Variants in EVPLL observed in about 807,000 individuals in gnomAD.
EVPLL encodes envoplakin like.
EVPLL carries 39 observed loss-of-function variants against 46.2 expected under a neutral mutation model. The ratio of observed to expected loss-of-function variants is 0.84; its 90% CI spans 0.65 to 1.10. The LOEUF (loss-of-function observed/expected upper bound fraction) is 1.10. EVPLL is among the 50% of genes least tolerant of loss of function. The pLI, the probability that EVPLL is intolerant of heterozygous loss-of-function variation, is 0.00. For synonymous variants in EVPLL, 156 were observed against 165.8 expected (o/e 0.94, Z 0.46); for missense variants, 385 against 412.6 (o/e 0.93, Z 0.58).
intron 1 of EVPLL, among the ~76,000 whole-genome samples, chr17:18,379,163 G>A (rs140882909): frequency 0.02 from 3,035 of 152,318 alleles, 133 homozygotes; most frequent in East Asian, 0.15. Context: ...GGACCACCCG[G>A]TTCTCTGGGG....
intron 1 of EVPLL, chr17:18,379,943 A>G (rs573447407): frequency 6.6e-6 from 1 of 152,482 alleles, no homozygotes; most frequent in South Asian, 2.1e-4. Flanking sequence ...CCAAGGTCAC[A>G]CAGCATTAAT....
chr17:18,385,468 C>G, intron 9 of EVPLL, among the ~76,000 whole-genome samples: 1 of 133,126 alleles, frequency 7.5e-6, no homozygotes, highest in Non-Finnish European at 1.6e-5. Flanking sequence ...ATGGTCTGCA[C>G]AGAGGGCACC....
intron 9 of EVPLL, among the ~76,000 whole-genome samples, chr17:18,386,893 AAT>A (rs1491393051): frequency 9.8e-6 from 1 of 101,926 alleles, no homozygotes; most frequent in Non-Finnish European, 2.0e-5. Flanking sequence ...ATTTTTGGTT[AAT>A]TTTTTTTTTT....
At chr17:18,382,158 C>T (rs926575382) in intron 4 of EVPLL, 8 of 338,620 alleles carry the variant, frequency 2.4e-5, no homozygotes, top group Non-Finnish European at 3.9e-5. Context: ...GGGAAGGGCC[C>T]GGGTGCAGCA....
intron 1 of EVPLL, 25 bp downstream of exon 1, chr17:18,378,008 G>T: frequency 1.4e-6 from 1 of 715,434 alleles, no homozygotes; most frequent in South Asian, 2.5e-5. Context: ...GGGATGGGGA[G>T]CCAGGGAGCT....
intron 9 of EVPLL, among the ~76,000 whole-genome samples, chr17:18,386,894 ATTTTTT>A (rs60131387): frequency 7.9e-6 from 1 of 127,104 alleles, no homozygotes; most frequent in African/African-American, 3.0e-5. Flanking sequence ...TTTTTGGTTA[ATTTTTT>A]TTTTTTTTTT....
At chr17:18,383,434 G>T (rs1987665394) in intron 8 of EVPLL, 56 bp downstream of exon 8, 3 of 1,539,628 alleles carry the variant, frequency 1.9e-6, no homozygotes, top group Non-Finnish European at 2.6e-6. Context: ...GGAAGGGGGG[G>T]GTGGACGTGG....
At chr17:18,388,009 T>G in intron 9 of EVPLL, 1 of 157,164 alleles carries the variant, frequency 6.4e-6, no homozygotes. Context: ...CAAGACCCTG[T>G]CTCTCTCTCT....
chr17:18,387,745 C>G (rs1304201997), intron 9 of EVPLL: 3 of 152,332 alleles, frequency 2.0e-5, no homozygotes, highest in African/African-American at 7.2e-5. Flanking sequence ...TGCAGTGGCT[C>G]ATGCCTGTAA....
rs758087513 is a variant in EVPLL, at chr17:18,381,472, G to T, written c.169G>T (p.Asp57Tyr). Residue 57 changes from aspartate (D) to tyrosine (Y), a missense_variant, in exon 3 of 11, where the codon GAC becomes TAC. Coordinates refer to ENST00000399134, the MANE Select transcript of EVPLL (RefSeq NM_001145127.2). This position sits in a 1 kb window ranked among gnomAD's most constrained non-coding sequence, Gnocchi z 4.2. ...VLLKDLFLDVDKARRLKHPQA... is the reference protein window; with the variant it reads ...VLLKDLFLDVYKARRLKHPQA... ...GCTCAAGGACCTCTTCCTGGACGTG[G>T]ACAAGGCCCGGCGGCTCAAGCACCC... 1 of 1,613,706 alleles carries T rather than the reference G, an allele frequency of 6.2e-7. No individual in the cohort carries two copies. The highest frequency in any genetic ancestry group is 1.3e-5 in the African/African-American group (1 of 74,930).
intron 5 of EVPLL, 43 bp downstream of exon 5, chr17:18,382,681 C>T (rs745689988): frequency 6.4e-7 from 1 of 1,552,422 alleles, no homozygotes; most frequent in Non-Finnish European, 8.7e-7. Flanking sequence ...CCAGCCCCAG[C>T]CCCTGTTTTT....
chr17:18,383,445 G>A, intron 8 of EVPLL, 47 bp from the exon 9 acceptor site: 1 of 1,535,648 alleles, frequency 6.5e-7, no homozygotes, highest in Non-Finnish European at 8.8e-7. Flanking sequence ...GTGGACGTGG[G>A]TGCGGGGGCG....
chr17:18,377,945 C>A lies in EVPLL; in HGVS notation c.-75C>A. 9.2e-7 allele frequency: 1 copy of A among 1,081,660 alleles called. No homozygotes were observed. The highest frequency in any genetic ancestry group is 1.3e-6 in the Non-Finnish European group (1 of 781,802). The allele number at this position is 1,081,660 out of a possible 1,614,324, so 67.0% of individuals were successfully genotyped here. On this transcript the variant is annotated 5_prime_UTR_variant, in exon 1 of 11. Coordinates refer to ENST00000399134, the MANE Select transcript of EVPLL (RefSeq NM_001145127.2). ...AGGGGTCCCCCAAGGACTCCCCAGC[C>A]AAGGGGTCCCCCAAAGGCTCCCCCA... is the stretch of plus-strand genomic sequence containing the variant.
chr17:18,380,665 C>T (rs1987533290), intron 1 of EVPLL: 1 of 419,084 alleles, frequency 2.4e-6, no homozygotes, highest in Non-Finnish European at 4.3e-6. Flanking sequence ...GCCTGACACC[C>T]AGCACCACAC....
In EVPLL at chr17:18,381,337, C is replaced by T. The variant is rs1281398457; in HGVS notation, c.64-30C>T. 6.6e-7 allele frequency: 1 copy of T among 1,526,300 alleles called. No individual in the cohort carries two copies. 94.5% of individuals were successfully genotyped at this position (1,526,300 alleles called of 1,614,324 possible). ...AGCAGGGGTGTGGGGGCTCTGGACC[C>T]TGGCAAGTCTGCCCATCCCCTGCCC... On this transcript the variant is annotated intron_variant, in intron 2 of 10. Coordinates refer to ENST00000399134, the MANE Select transcript of EVPLL (RefSeq NM_001145127.2). The surrounding 1 kb of genome is among the most constrained non-coding windows in gnomAD (Gnocchi z 4.2).
In EVPLL at chr17:18,378,616, G is replaced by A. The variant is rs559671629; in HGVS notation, c.-37+633G>A. Among the ~76,000 whole-genome samples the A allele has an allele frequency of 5.3e-5, 8 of 152,072 alleles. No homozygotes were observed. In the East Asian group the frequency reaches 1.4e-3, roughly 26 times the overall value. ...CCTTGAGCCCAGGAGTTTGAGACCA[G>A]CCTGGGCAACATAGGGAGATCTTGT... On this transcript the variant is annotated intron_variant, in intron 1 of 10. Coordinates refer to ENST00000399134, the MANE Select transcript of EVPLL (RefSeq NM_001145127.2).
At chr17:18,378,549 C>T (rs1987457167) in intron 1 of EVPLL, among the ~76,000 whole-genome samples, 1 of 152,148 alleles carries the variant, frequency 6.6e-6, no homozygotes. Context: ...CGGTAGCTCA[C>T]GCCTATAATC....
At chr17:18,382,114 G>C in intron 4 of EVPLL, 1 of 366,436 alleles carries the variant, frequency 2.7e-6, no homozygotes, top group East Asian at 5.8e-5. Context: ...ATGCCACACA[G>C]AAGGGGTGTC....
At position 18,377,915 on chromosome 17, in the gene EVPLL, G is replaced by A. The variant is rs1399174267; in HGVS notation, c.-105G>A. 2 of 1,139,612 alleles carry A rather than the reference G, an allele frequency of 1.8e-6. No individual in the cohort carries two copies. The highest frequency in any genetic ancestry group is 3.3e-5 in the African/African-American group (2 of 60,454). The allele number at this position is 1,139,612 out of a possible 1,614,324, so 70.6% of individuals were successfully genotyped here. On this transcript the variant is annotated 5_prime_UTR_variant, in exon 1 of 11. Transcript: ENST00000399134. Reference sequence around the variant, plus strand: ...TCAAGGGACTGAGCAAAGGCTCCCAGGGGAAGGGGTCCCCCAAGGACTCCC... The same window carrying A: ...TCAAGGGACTGAGCAAAGGCTCCCAAGGGAAGGGGTCCCCCAAGGACTCCC...
Sources: allele counts gnomAD v4.1 joint callset (sites outside exome capture counted in the v4.1 genomes callset), GRCh38; gene constraint gnomAD v4.1.1; non-coding constraint Gnocchi (gnomAD v3.1); transcripts MANE v1.5; gene names NCBI Gene and HGNC (gene_info 2026-07-23, HGNC 2026-07-21).